DOCK4: variants seen among roughly 807,000 people sequenced by gnomAD.
DOCK4 encodes dedicator of cytokinesis protein 4.
In DOCK4, 97 loss-of-function variants were observed where a neutral mutation model predicts 268.1. The ratio of observed to expected loss-of-function variants is 0.36; its 90% CI spans 0.31 to 0.43. The LOEUF is 0.43. DOCK4 is among the 20% of genes least tolerant of loss of function. The pLI is 1.00. For synonymous variants in DOCK4, 954 were observed against 887.2 expected (o/e 1.08, Z -1.34); for missense variants, 2,145 against 2,455.7 (o/e 0.87, Z 2.67).
intron 26 of DOCK4, among the ~76,000 whole-genome samples, chr7:111,825,027 C>T (rs1802288505): frequency 6.6e-6 from 1 of 152,094 alleles, no homozygotes; most frequent in African/African-American, 2.4e-5. Flanking sequence ...TAAATCCTGG[C>T]TATGCAATTA....
At chr7:111,929,028 G>C (rs1195988626) in intron 12 of DOCK4, among the ~76,000 whole-genome samples, 1 of 152,188 alleles carries the variant, frequency 6.6e-6, no homozygotes, top group Non-Finnish European at 1.5e-5. Flanking sequence ...ATGTTCTGAA[G>C]TAAGCAGGGG....
At chr7:111,894,409 T>C (rs1306438401) in intron 16 of DOCK4, among the ~76,000 whole-genome samples, 2 of 152,084 alleles carry the variant, frequency 1.3e-5, no homozygotes, top group Non-Finnish European at 2.9e-5. Context: ...ATAAATCTAA[T>C]GGGGCAAGCT....
At chr7:111,950,363 T>C (rs1795960685) in intron 8 of DOCK4, among the ~76,000 whole-genome samples, 1 of 152,270 alleles carries the variant, frequency 6.6e-6, no homozygotes, top group African/African-American at 2.4e-5. Flanking sequence ...TATGATCAGA[T>C]GACAAAATTA....
At chr7:112,040,703 C>T (rs1358831774) in intron 1 of DOCK4, among the ~76,000 whole-genome samples, 1 of 151,694 alleles carries the variant, frequency 6.6e-6, no homozygotes, top group Admixed American at 6.6e-5. Flanking sequence ...GCACAGTGAC[C>T]CAATACACAT....
chr7:111,894,932 G>C (rs1374689010), intron 16 of DOCK4, among the ~76,000 whole-genome samples: 1 of 152,192 alleles, frequency 6.6e-6, no homozygotes, highest in Non-Finnish European at 1.5e-5. Context: ...TCATAGGTGA[G>C]AGTTGATAAG....
intron 1 of DOCK4, among the ~76,000 whole-genome samples, chr7:112,062,610 G>C (rs761919885): frequency 3.3e-5 from 5 of 152,124 alleles, no homozygotes; most frequent in Non-Finnish European, 7.4e-5. Flanking sequence ...AAACAATCCT[G>C]TCTGCATCAA....
intron 1 of DOCK4, among the ~76,000 whole-genome samples, chr7:112,145,550 G>A (rs908061290): frequency 6.6e-6 from 1 of 152,162 alleles, no homozygotes; most frequent in East Asian, 1.9e-4. Context: ...GCTATTCAGA[G>A]GATGAGAAAT....
At chr7:111,811,823 C>A in intron 28 of DOCK4, 51 bp downstream of exon 28, 1 of 1,078,188 alleles carries the variant, frequency 9.3e-7, no homozygotes, top group South Asian at 1.4e-5. Context: ...TCCTATAATA[C>A]AATGTGATTC....
chr7:111,897,353 CTAGA>C (rs1431211262), intron 15 of DOCK4, among the ~76,000 whole-genome samples: 1 of 152,112 alleles, frequency 6.6e-6, no homozygotes, highest in Non-Finnish European at 1.5e-5. Flanking sequence ...CTTCAACCTA[CTAGA>C]TAGTCTTTCT....
intron 1 of DOCK4, among the ~76,000 whole-genome samples, chr7:112,130,371 G>A (rs1487954154): frequency 1.3e-5 from 2 of 152,162 alleles, no homozygotes; most frequent in African/African-American, 2.4e-5. Context: ...ATGACAGGGA[G>A]TCTCTTAACA....
At chr7:111,962,652 T>C (rs943236901) in intron 8 of DOCK4, among the ~76,000 whole-genome samples, 15 of 149,302 alleles carry the variant, frequency 1.0e-4, no homozygotes, top group African/African-American at 1.8e-4. Context: ...TAAAAAAATC[T>C]TTACCTCACC....
chr7:111,944,832 T>G lies in DOCK4; in HGVS notation c.823A>C (p.Thr275Pro). 6.2e-7 allele frequency: 1 copy of G among 1,613,906 alleles called. No homozygotes were observed. Among genetic ancestry groups the G allele is most frequent in the Non-Finnish European group, 8.5e-7 (1 of 1,179,858 alleles). Residue 275 changes from threonine to proline, a missense_variant, in exon 10 of 53, where the codon ACC becomes CCC. By Grantham distance (38) the Thr-to-Pro change is conservative (BLOSUM62 -1). This residue lies in a region of DOCK4 where 1,598 missense variants were observed against 1,986.7 expected (regional missense o/e 0.80). Transcript: ENST00000428084. ...CTACCGATTCGGATAATGTGCACGG[T>G]GATATAAATGTCCTTTCTTAGCTCA... ...SSELRKDIYI[T>P]VHIIRIGRMG...
At chr7:111,915,225 A>G (rs1057054625) in intron 13 of DOCK4, among the ~76,000 whole-genome samples, 1 of 152,220 alleles carries the variant, frequency 6.6e-6, no homozygotes, top group Non-Finnish European at 1.5e-5. Flanking sequence ...AAACTGCTTA[A>G]CCCACATCTT....
intron 1 of DOCK4, among the ~76,000 whole-genome samples, chr7:112,154,322 AACAT>A (rs764210484): frequency 1.1e-4 from 17 of 152,312 alleles, no homozygotes; most frequent in Non-Finnish European, 2.2e-4. Context: ...ATCTTTAAAC[AACAT>A]ACATGAAGAA....
chr7:112,022,025 C>T (rs563210353), intron 1 of DOCK4, among the ~76,000 whole-genome samples: 1 of 152,334 alleles, frequency 6.6e-6, no homozygotes, highest in South Asian at 2.1e-4. Context: ...AGACCACTAA[C>T]CATGAGCAGG....
chr7:111,919,152 C>CA (rs1373900115), intron 12 of DOCK4, among the ~76,000 whole-genome samples: 1 of 151,044 alleles, frequency 6.6e-6, no homozygotes, highest in African/African-American at 2.4e-5. Context: ...AGCAAACAAA[C>CA]AAAAAAACAT....
intron 8 of DOCK4, among the ~76,000 whole-genome samples, chr7:111,973,920 A>G (rs1797931871): frequency 6.6e-6 from 1 of 152,250 alleles, no homozygotes; most frequent in Non-Finnish European, 1.5e-5. Flanking sequence ...CTCACAAATA[A>G]GAAGAAATAT....
At chr7:112,025,357 C>T (rs181082622) in intron 1 of DOCK4, among the ~76,000 whole-genome samples, 48 of 152,294 alleles carry the variant, frequency 3.2e-4, no homozygotes, top group African/African-American at 1.1e-3. Flanking sequence ...ATACAACAGA[C>T]CCAGCTTCCG....
chr7:111,874,529 A>G (rs1227547647), intron 17 of DOCK4, among the ~76,000 whole-genome samples: 1 of 152,198 alleles, frequency 6.6e-6, no homozygotes, highest in African/African-American at 2.4e-5. Context: ...TCTGGATGTA[A>G]TTAATCATGT....
Sources: allele counts gnomAD v4.1 joint callset (sites outside exome capture counted in the v4.1 genomes callset), GRCh38; gene constraint gnomAD v4.1.1; regional missense constraint gnomAD v4.1.1; transcripts MANE v1.5; gene names NCBI Gene and HGNC (gene_info 2026-07-23, HGNC 2026-07-21).